Variants in MDGA2 observed in about 807,000 individuals in gnomAD.
MDGA2 encodes the protein MAM domain containing glycosylphosphatidylinositol anchor 2, also known as MAM domain-containing glycosylphosphatidylinositol anchor protein 2.
In MDGA2, 40 loss-of-function variants were observed where a neutral mutation model predicts 117.8. The ratio of observed to expected loss-of-function variants is 0.34; its 90% CI spans 0.26 to 0.44. The LOEUF is 0.44. Among genes scored for constraint, MDGA2 ranks in the 20% least tolerant of loss-of-function variants. The pLI, the probability that MDGA2 is intolerant of heterozygous loss-of-function variation, is 1.00. For missense variants in MDGA2, 1,123 were observed against 1,250.6 expected (o/e 0.90, Z 1.54); for synonymous variants, 452 against 439.0 (o/e 1.03, Z -0.37).
chr14:47,386,975 T>C (rs1030918240), intron 1 of MDGA2, among the ~76,000 whole-genome samples: 1 of 152,184 alleles, frequency 6.6e-6, no homozygotes, highest in South Asian at 2.1e-4. Context: ...ATATGGCACA[T>C]GGTACATATT....
At chr14:47,486,939 G>T (rs997043389) in intron 1 of MDGA2, among the ~76,000 whole-genome samples, 8 of 152,150 alleles carry the variant, frequency 5.3e-5, no homozygotes, top group African/African-American at 1.9e-4. Context: ...TACACAAGGG[G>T]ACAGCAAATT....
At chr14:47,630,946 C>T (rs1159659919) in intron 1 of MDGA2, among the ~76,000 whole-genome samples, 1 of 152,180 alleles carries the variant, frequency 6.6e-6, no homozygotes, top group Non-Finnish European at 1.5e-5. Context: ...AGGTTAAGCC[C>T]TGTTATCCCC....
rs751098257 is a variant in MDGA2 at position 47,097,119 on chromosome 14, T to C, written c.930A>G (p.Ser310=). 1.6e-5 allele frequency: 26 copies of C among 1,611,826 alleles called. No individual in the cohort carries two copies. Among genetic ancestry groups the C allele is most frequent in the Non-Finnish European group, 7.6e-6 (9 of 1,178,536 alleles). Residue 310 remains serine, a synonymous_variant, in exon 6 of 17, where the codon TCA becomes TCG. Coordinates refer to ENST00000399232, the MANE Select transcript of MDGA2 (RefSeq NM_001113498.3). ...CATCCACCAAGAGTTTAATTGACGGTGATGCTAAAAGACATAAACAGAAGA... is the reference window on the plus strand; with the variant it reads ...CATCCACCAAGAGTTTAATTGACGGCGATGCTAAAAGACATAAACAGAAGA... ...VSFRLSNKTA[S]PSIKLLVDDP... is the part of the protein sequence containing the mutation.
At chr14:47,164,058 CTTAT>C (rs1392884767) in intron 3 of MDGA2, among the ~76,000 whole-genome samples, 4 of 152,182 alleles carry the variant, frequency 2.6e-5, no homozygotes, top group Admixed American at 2.0e-4. Flanking sequence ...TTCACTTTTA[CTTAT>C]TTATTTGTTT....
chr14:46,933,722 A>C (rs1884666284), intron 9 of MDGA2, among the ~76,000 whole-genome samples: 2 of 148,506 alleles, frequency 1.3e-5, no homozygotes, highest in Non-Finnish European at 3.0e-5. Context: ...CATTATTTCA[A>C]CACAATTATG....
intron 1 of MDGA2, among the ~76,000 whole-genome samples, chr14:47,540,540 G>GTATA (rs1555330658): frequency 1.3e-5 from 1 of 79,188 alleles, no homozygotes; most frequent in African/African-American, 3.9e-5. Context: ...GTGTGTGTGT[G>GTATA]TATATATATA....
chr14:47,080,509 T>A (rs1460587719), intron 6 of MDGA2, among the ~76,000 whole-genome samples: 1 of 151,988 alleles, frequency 6.6e-6, no homozygotes, highest in East Asian at 1.9e-4. Context: ...AATCTCTCTG[T>A]TGCTCAGTGA....
intron 9 of MDGA2, among the ~76,000 whole-genome samples, chr14:46,930,006 T>C (rs1403553300): frequency 1.3e-5 from 2 of 151,838 alleles, no homozygotes; most frequent in African/African-American, 4.8e-5. Flanking sequence ...GACAGGTTAT[T>C]TGTGCTCCTA....
intron 2 of MDGA2, among the ~76,000 whole-genome samples, chr14:47,298,404 G>C (rs1372363510): frequency 6.6e-6 from 1 of 152,118 alleles, no homozygotes; most frequent in Non-Finnish European, 1.5e-5. Context: ...CAATCTTTAT[G>C]ACTCTTACTG....
chr14:47,583,827 G>A lies in MDGA2; in HGVS notation c.280+90690C>T, dbSNP rs78449733. 4.0e-3 allele frequency among the ~76,000 whole-genome samples: 604 copies of A among 151,838 alleles called. 3 individuals are homozygous for A. The highest frequency in any genetic ancestry group is 0.013 in the African/African-American group (555 of 41,484). On this transcript the variant is annotated intron_variant, in intron 1 of 16. Coordinates refer to ENST00000399232, the MANE Select transcript of MDGA2 (RefSeq NM_001113498.3). ...CTTATGTGTAAACAGCATTTTCTCC[G>A]AAGAGCTTAGTCGTCCCTTTAGTCT... is the stretch of plus-strand genomic sequence containing the variant.
intron 9 of MDGA2, among the ~76,000 whole-genome samples, chr14:46,950,693 A>G (rs566139792): frequency 1.9e-4 from 29 of 152,066 alleles, no homozygotes; most frequent in African/African-American, 7.0e-4. Flanking sequence ...TTTTCAAAGT[A>G]TGTTTAGACT....
At chr14:47,323,243 T>C (rs1890042321) in intron 1 of MDGA2, among the ~76,000 whole-genome samples, 1 of 148,046 alleles carries the variant, frequency 6.8e-6, no homozygotes. Flanking sequence ...AAACTGCTAA[T>C]AAAAGGCTCA....
At chr14:47,149,040 A>G (rs1457563157) in intron 3 of MDGA2, among the ~76,000 whole-genome samples, 1 of 152,186 alleles carries the variant, frequency 6.6e-6, no homozygotes, top group Non-Finnish European at 1.5e-5. Context: ...CTGTAATCCC[A>G]GCAGTTTGGG....
chr14:47,582,019 CATA>C (rs896400255), intron 1 of MDGA2, among the ~76,000 whole-genome samples: 20 of 152,020 alleles, frequency 1.3e-4, no homozygotes, highest in African/African-American at 4.3e-4. Flanking sequence ...GTAAAACTGA[CATA>C]ATAATATTAT....
At chr14:47,101,114 T>TAGAC (rs762735463) in intron 5 of MDGA2, among the ~76,000 whole-genome samples, 1 of 139,434 alleles carries the variant, frequency 7.2e-6, no homozygotes, top group Non-Finnish European at 1.5e-5. Context: ...GATAGATAGA[T>TAGAC]AGATAGATAG....
intron 1 of MDGA2, among the ~76,000 whole-genome samples, chr14:47,472,214 A>G (rs1157272920): frequency 2.0e-5 from 3 of 152,184 alleles, no homozygotes; most frequent in Admixed American, 6.6e-5. Flanking sequence ...GGTCATATTC[A>G]TAGTATATAC....
At chr14:46,896,599 G>A (rs1883087044) in intron 10 of MDGA2, among the ~76,000 whole-genome samples, 1 of 151,704 alleles carries the variant, frequency 6.6e-6, no homozygotes, top group Middle Eastern at 3.2e-3. Flanking sequence ...GAAGTGTAAG[G>A]GAGAACAGAC....
At chr14:47,347,856 G>T (rs1286455945) in intron 1 of MDGA2, among the ~76,000 whole-genome samples, 1 of 152,076 alleles carries the variant, frequency 6.6e-6, no homozygotes, top group African/African-American at 2.4e-5. Flanking sequence ...TGACATATTG[G>T]TATATAATGG....
chr14:46,969,215 T>C (rs138835413), intron 8 of MDGA2, among the ~76,000 whole-genome samples: 3 of 152,306 alleles, frequency 2.0e-5, no homozygotes, highest in African/African-American at 7.2e-5. Context: ...AACATGCATG[T>C]GCATGTGTCT....
Sources: allele counts gnomAD v4.1 joint callset (sites outside exome capture counted in the v4.1 genomes callset), GRCh38; gene constraint gnomAD v4.1.1; transcripts MANE v1.5; gene names NCBI Gene and HGNC (gene_info 2026-07-23, HGNC 2026-07-21).